Variants in SRC observed in about 807,000 individuals in gnomAD.
SRC encodes SRC proto-oncogene, non-receptor tyrosine kinase, also known as proto-oncogene tyrosine-protein kinase Src.
SRC carries 13 observed loss-of-function variants against 62.9 expected under a neutral mutation model. The observed-to-expected ratio is 0.21, with a 90% CI of 0.13 to 0.33. The LOEUF (loss-of-function observed/expected upper bound fraction) is 0.33. SRC is among the 10% of genes least tolerant of loss of function. The pLI, the probability that SRC is intolerant of heterozygous loss-of-function variation, is 1.00. For missense variants in SRC, 457 were observed against 737.3 expected (o/e 0.62, Z 4.40); for synonymous variants, 302 against 317.5 (o/e 0.95, Z 0.52).
chr20:37,387,111 A>C (rs1273990777), intron 5 of SRC, among the ~76,000 whole-genome samples: 1 of 152,270 alleles, frequency 6.6e-6, no homozygotes, highest in South Asian at 2.1e-4. Context: ...GCAGAGGAGA[A>C]TCGATCCCTG....
In SRC at chr20:37,394,253, G is replaced by T. The variant is rs143889833; in HGVS notation, c.529G>T (p.Val177Leu). The change falls in exon 7 of 14, where the codon GTG (valine) becomes TTG (leucine). Residue 177 changes from valine (V) to leucine (L), a missense_variant. Val to Leu is a conservative substitution (Grantham distance 32). Coordinates refer to ENST00000373578, the MANE Select transcript of SRC (RefSeq NM_198291.3). ...NAENPRGTFL[V>L]RESETTKGAY... ...AGAGAACCCGAGAGGGACCTTCCTCGTGCGAGAAAGTGAGACCACGAAAGG... is the reference window on the plus strand; with the variant it reads ...AGAGAACCCGAGAGGGACCTTCCTCTTGCGAGAAAGTGAGACCACGAAAGG... 14 of 1,613,906 alleles carry T rather than the reference G, an allele frequency of 8.7e-6. No homozygotes were observed. Among genetic ancestry groups the T allele is most frequent in the Non-Finnish European group, 1.1e-5 (13 of 1,180,038 alleles).
At chr20:37,379,536 C>T (rs954111472) in intron 2 of SRC, among the ~76,000 whole-genome samples, 4 of 151,788 alleles carry the variant, frequency 2.6e-5, no homozygotes, top group East Asian at 3.9e-4. Flanking sequence ...CCAGCCCAGC[C>T]GACATGGTGG....
At chr20:37,382,955 G>A (rs1011446879) in intron 3 of SRC, among the ~76,000 whole-genome samples, 169 bp downstream of exon 3, 1 of 152,166 alleles carries the variant, frequency 6.6e-6, no homozygotes, top group Non-Finnish European at 1.5e-5. Flanking sequence ...CTGTGTTTCC[G>A]TCTCTCTGGA....
At chr20:37,381,796 G>A (rs2070368547) in intron 2 of SRC, among the ~76,000 whole-genome samples, 1 of 152,196 alleles carries the variant, frequency 6.6e-6, no homozygotes, top group Non-Finnish European at 1.5e-5. Flanking sequence ...CAATGGAATA[G>A]GTTGCCATAG....
intron 4 of SRC, among the ~76,000 whole-genome samples, chr20:37,385,015 G>T (rs926512153): frequency 6.6e-6 from 1 of 152,162 alleles, no homozygotes; most frequent in Non-Finnish European, 1.5e-5. Context: ...CTACACCCCC[G>T]CCAGGGACAC....
At chr20:37,356,521 G>C (rs1029775069) in intron 1 of SRC, among the ~76,000 whole-genome samples, 1 of 151,914 alleles carries the variant, frequency 6.6e-6, no homozygotes, top group African/African-American at 2.4e-5. Context: ...GGGGAGTGGT[G>C]GGGGGCAGGG....
intron 2 of SRC, among the ~76,000 whole-genome samples, chr20:37,379,151 C>T (rs1442166015): frequency 3.3e-5 from 5 of 152,120 alleles, no homozygotes; most frequent in African/African-American, 4.8e-5. Flanking sequence ...AGCCATAGTG[C>T]AGGCCCCCTG....
At chr20:37,364,157 C>G (rs1030750857) in intron 1 of SRC, among the ~76,000 whole-genome samples, 2 of 152,170 alleles carry the variant, frequency 1.3e-5, no homozygotes, top group African/African-American at 4.8e-5. Context: ...AGGATGCGAT[C>G]ACTGATAGAT....
Position 37,402,837 on chromosome 20 carries a change from C to T in SRC, c.1359C>T (p.Ile453=), listed in dbSNP as rs147890540. 13 of 1,614,110 alleles carry T rather than the reference C, an allele frequency of 8.1e-6. No homozygotes were observed. Among genetic ancestry groups the T allele is most frequent in the Middle Eastern group, 1.7e-4 (1 of 6,060 alleles). ...AGTCGGACGTGTGGTCCTTCGGGATCCTGCTGACTGAGCTCACCACAAAGG... is the reference window on the plus strand; with the variant it reads ...AGTCGGACGTGTGGTCCTTCGGGATTCTGCTGACTGAGCTCACCACAAAGG... ...TIKSDVWSFG[I]LLTELTTKGR... Residue 453 remains isoleucine (I), a synonymous_variant, in exon 13 of 14, where the codon ATC becomes ATT. Transcript: ENST00000373578. The surrounding 1 kb of genome is among the most constrained non-coding windows in gnomAD (Gnocchi z 6.2).
chr20:37,370,876 C>CT (rs1433221485), intron 2 of SRC, among the ~76,000 whole-genome samples: 1 of 152,122 alleles, frequency 6.6e-6, no homozygotes, highest in Non-Finnish European at 1.5e-5. Context: ...ACCAGTCCAG[C>CT]TATCTGGGCC....
chr20:37,395,666 G>C (rs1461025346), intron 7 of SRC, among the ~76,000 whole-genome samples: 1 of 152,098 alleles, frequency 6.6e-6, no homozygotes, highest in Non-Finnish European at 1.5e-5. Context: ...AGGAGGTTGG[G>C]GGGACATGGA....
At chr20:37,357,791 A>T (rs1226577257) in intron 1 of SRC, among the ~76,000 whole-genome samples, 1 of 152,232 alleles carries the variant, frequency 6.6e-6, no homozygotes, top group Non-Finnish European at 1.5e-5. Context: ...GTCTGAGCAG[A>T]TGGCTGAGTC....
intron 1 of SRC, among the ~76,000 whole-genome samples, chr20:37,364,693 C>T (rs1327477036): frequency 1.3e-5 from 2 of 152,118 alleles, no homozygotes; most frequent in African/African-American, 4.8e-5. Context: ...ATCCTTGTCA[C>T]GATACTTTCA....
At chr20:37,352,883 T>G (rs1315099944) in intron 1 of SRC, among the ~76,000 whole-genome samples, 3 of 152,258 alleles carry the variant, frequency 2.0e-5, no homozygotes, top group African/African-American at 4.8e-5. Context: ...CTCCAGTGGC[T>G]GAGATGCTTC....
intron 2 of SRC, among the ~76,000 whole-genome samples, chr20:37,371,943 GC>G (rs759443954): frequency 6.6e-6 from 1 of 151,644 alleles, no homozygotes; most frequent in African/African-American, 2.4e-5. Context: ...CCTCCAATCC[GC>G]CCCCCCTTGG....
intron 1 of SRC, among the ~76,000 whole-genome samples, chr20:37,360,699 C>T (rs184673820): frequency 1.2e-4 from 18 of 152,238 alleles, no homozygotes; most frequent in African/African-American, 3.1e-4. Context: ...AGCATAGGCC[C>T]GGCACATAGT....
At chr20:37,356,395 T>C (rs2069882143) in intron 1 of SRC, among the ~76,000 whole-genome samples, 1 of 152,090 alleles carries the variant, frequency 6.6e-6, no homozygotes, top group Non-Finnish European at 1.5e-5. Context: ...CTGGGTAGTG[T>C]CTGGGTCAGG....
At chr20:37,350,772 C>T (rs1365591708) in intron 1 of SRC, among the ~76,000 whole-genome samples, 1 of 152,172 alleles carries the variant, frequency 6.6e-6, no homozygotes, top group Admixed American at 6.5e-5. Flanking sequence ...GCTTTCATCC[C>T]CCTGGCCTAG....
intron 1 of SRC, among the ~76,000 whole-genome samples, chr20:37,362,569 C>T (rs945908094): frequency 3.9e-5 from 6 of 152,132 alleles, no homozygotes; most frequent in Non-Finnish European, 8.8e-5. Context: ...GTGACCAAGG[C>T]CCGGCAGCCC....
Sources: allele counts gnomAD v4.1 joint callset (sites outside exome capture counted in the v4.1 genomes callset), GRCh38; gene constraint gnomAD v4.1.1; non-coding constraint Gnocchi (gnomAD v3.1); transcripts MANE v1.5; gene names NCBI Gene and HGNC (gene_info 2026-07-23, HGNC 2026-07-21).